The following CCNY variants were observed in gnomAD, a reference collection of about 807,000 sequenced individuals.
CCNY encodes the protein cyclin-Y.
CCNY carries 19 observed loss-of-function variants against 42.8 expected under a neutral mutation model. The ratio of observed to expected loss-of-function variants is 0.44; its 90% CI spans 0.31 to 0.65. The LOEUF (loss-of-function observed/expected upper bound fraction) is 0.65, where lower values mean the gene tolerates loss of function less well. Ranked by LOEUF, CCNY falls within the 30% of genes least tolerant of loss-of-function variation. CCNY has a pLI of 0.07. For missense variants in CCNY, 370 were observed against 437.3 expected (o/e 0.85, Z 1.37); for synonymous variants, 165 against 162.7 (o/e 1.01, Z -0.11).
At chr10:35,290,514 G>A (rs577875987) in intron 3 of CCNY, among the ~76,000 whole-genome samples, 2 of 151,804 alleles carry the variant, frequency 1.3e-5, no homozygotes, top group East Asian at 3.9e-4. Context: ...GCTAAATTTC[G>A]TTGATTTATT....
intron 7 of CCNY, among the ~76,000 whole-genome samples, chr10:35,547,082 G>A (rs1841130867): frequency 6.6e-6 from 1 of 152,146 alleles, no homozygotes; most frequent in South Asian, 2.1e-4. Flanking sequence ...CTTTGTTGGA[G>A]AGTAAGAGGA....
intron 3 of CCNY, among the ~76,000 whole-genome samples, chr10:35,268,849 C>T (rs78591412): frequency 0.016 from 2,392 of 152,332 alleles, 30 homozygotes; most frequent in Admixed American, 0.03. Context: ...GGCCAGAATG[C>T]GGGGAGGCAG....
At chr10:35,372,585 T>TCACTCTGGCTTGTACTTTTGCTGGG (rs1836961468) in intron 1 of CCNY, among the ~76,000 whole-genome samples, 1 of 152,214 alleles carries the variant, frequency 6.6e-6, no homozygotes, top group Non-Finnish European at 1.5e-5. Flanking sequence ...GTGCCTTTGC[T>TCACTCTGGCTTGTACTTTTGCTGGG]CACTCTGGCT....
At chr10:35,406,209 A>ATTTG (rs1837761459) in intron 1 of CCNY, among the ~76,000 whole-genome samples, 2 of 121,628 alleles carry the variant, frequency 1.6e-5, no homozygotes. Context: ...TATTTTATTT[A>ATTTG]TTTATTTATT....
intron 3 of CCNY, among the ~76,000 whole-genome samples, chr10:35,252,997 A>G (rs2095713014): frequency 6.6e-6 from 1 of 152,166 alleles, no homozygotes; most frequent in Non-Finnish European, 1.5e-5. Context: ...AAAACCATCG[A>G]ACTGCTGTGT....
intron 1 of CCNY, among the ~76,000 whole-genome samples, chr10:35,459,406 T>C (rs767682040): frequency 2.6e-5 from 4 of 152,236 alleles, no homozygotes; most frequent in Non-Finnish European, 5.9e-5. Context: ...TTTTGTGTTT[T>C]GTTTTTTGCT....
At chr10:35,285,267 C>T (rs993977238) in intron 3 of CCNY, among the ~76,000 whole-genome samples, 3 of 152,060 alleles carry the variant, frequency 2.0e-5, no homozygotes, top group African/African-American at 7.2e-5. Context: ...AACTCCTGAC[C>T]TCAAGTGATC....
At chr10:35,302,843 C>A (rs913995828) in intron 3 of CCNY, among the ~76,000 whole-genome samples, 3 of 152,094 alleles carry the variant, frequency 2.0e-5, no homozygotes, top group African/African-American at 4.8e-5. Context: ...AGCCTAAAAG[C>A]TTCTTGTTAG....
chr10:35,464,441 G>T (rs1486020976), intron 1 of CCNY, among the ~76,000 whole-genome samples: 1 of 151,944 alleles, frequency 6.6e-6, no homozygotes, highest in Non-Finnish European at 1.5e-5. Flanking sequence ...GTGTGTATTT[G>T]GTCTGGTCAC....
intron 1 of CCNY, among the ~76,000 whole-genome samples, chr10:35,425,995 ACT>A (rs1279659626): frequency 2.6e-5 from 4 of 151,430 alleles, no homozygotes; most frequent in African/African-American, 7.3e-5. Context: ...CCTGGGGGAG[ACT>A]CTGAATCCTG....
At chr10:35,567,257 G>A (rs770287005) in intron 9 of CCNY, among the ~76,000 whole-genome samples, 19 of 152,192 alleles carry the variant, frequency 1.2e-4, no homozygotes, top group Non-Finnish European at 2.5e-4. Context: ...CAGCACCACT[G>A]GTCTTGGTCT....
chr10:35,506,319 C>G (rs1382445632), intron 3 of CCNY, among the ~76,000 whole-genome samples: 1 of 152,210 alleles, frequency 6.6e-6, no homozygotes, highest in African/African-American at 2.4e-5. Flanking sequence ...CTTAGATGCT[C>G]TGGTTCTCAG....
chr10:35,533,381 T>A (rs1840811840), intron 7 of CCNY, among the ~76,000 whole-genome samples: 1 of 152,144 alleles, frequency 6.6e-6, no homozygotes, highest in Non-Finnish European at 1.5e-5. Flanking sequence ...AGCCCTTATG[T>A]TACTGACGGG....
chr10:35,497,847 TCAGA>T (rs909330253), intron 2 of CCNY, among the ~76,000 whole-genome samples: 7 of 152,058 alleles, frequency 4.6e-5, no homozygotes, highest in African/African-American at 7.2e-5. Context: ...TGAGGGTATC[TCAGA>T]CAGCTCATGA....
At chr10:35,565,168 G>A (rs1841544399) in intron 8 of CCNY, among the ~76,000 whole-genome samples, 1 of 152,220 alleles carries the variant, frequency 6.6e-6, no homozygotes, top group African/African-American at 2.4e-5. Flanking sequence ...TAAAGTAGAA[G>A]TTTTTGAATT....
chr10:35,355,846 C>G (rs1290834668), intron 1 of CCNY, among the ~76,000 whole-genome samples: 3 of 151,670 alleles, frequency 2.0e-5, no homozygotes, highest in Non-Finnish European at 4.4e-5. Flanking sequence ...TTATAAATTC[C>G]AGGTTTAACA....
chr10:35,431,077 A>G (rs937958824), intron 1 of CCNY, among the ~76,000 whole-genome samples: 2 of 151,680 alleles, frequency 1.3e-5, no homozygotes, highest in South Asian at 2.1e-4. Context: ...GGATTGTGCC[A>G]CTGCACTCCA....
rs1840736090 is a variant in CCNY, at chr10:35,530,180, C to A, written c.516C>A (p.Tyr172Ter). 1 of 1,614,114 alleles carries A rather than the reference C, an allele frequency of 6.2e-7. No individual in the cohort carries two copies. The highest frequency in any genetic ancestry group is 8.5e-7 in the Non-Finnish European group (1 of 1,180,044). ...DKHNPEQKQI[Y>*]RFVRTLFSAA... Reference sequence around the variant, plus strand: ...ACAACCCAGAGCAGAAGCAGATTTACCGGTTCGTTCGGACACTGTTCAGTG... The same window carrying A: ...ACAACCCAGAGCAGAAGCAGATTTAACGGTTCGTTCGGACACTGTTCAGTG... Residue 172 changes from tyrosine to a stop codon, truncating the protein, a stop_gained, in exon 7 of 10, where the codon TAC becomes TAA. Coordinates refer to ENST00000374704, the MANE Select transcript of CCNY (RefSeq NM_145012.6). LOFTEE classifies it high-confidence loss of function. The surrounding 1 kb of genome is among the most constrained non-coding windows in gnomAD (Gnocchi z 4.3).
chr10:35,372,053 A>G (rs1451776670), intron 1 of CCNY, among the ~76,000 whole-genome samples: 1 of 152,198 alleles, frequency 6.6e-6, no homozygotes, highest in African/African-American at 2.4e-5. Flanking sequence ...GTGAAAAGGC[A>G]GGTACTGTGT....
Sources: gnomAD v4.1 joint callset for allele counts (sites outside exome capture counted in the v4.1 genomes callset) on GRCh38, gnomAD v4.1.1 for gene constraint, Gnocchi (gnomAD v3.1) non-coding constraint, MANE v1.5 for transcripts, NCBI Gene and HGNC (gene_info 2026-07-23, HGNC 2026-07-21) for gene names.